Variants in RBPJ observed in about 807,000 individuals in gnomAD.
The protein encoded by RBPJ is recombining binding protein suppressor of hairless.
RBPJ carries 9 observed loss-of-function variants against 67.8 expected under a neutral mutation model. The ratio of observed to expected loss-of-function variants is 0.13; its 90% CI spans 0.08 to 0.23. RBPJ has a LOEUF of 0.23. Among genes scored for constraint, RBPJ ranks in the 10% least tolerant of loss-of-function variants. The pLI is 1.00. For missense variants in RBPJ, 305 were observed against 595.6 expected (o/e 0.51, Z 5.08); for synonymous variants, 198 against 203.3 (o/e 0.97, Z 0.22).
chr4:26,220,878 G>A (rs972105330), intron 1 of RBPJ, among the ~76,000 whole-genome samples: 14 of 152,236 alleles, frequency 9.2e-5, no homozygotes, highest in East Asian at 7.7e-4. Context: ...CACCGCAGTG[G>A]TGAGATCACT....
chr4:26,316,547 G>A (rs12171452), upstream of RBPJ, among the ~76,000 whole-genome samples: 7 of 123,238 alleles, frequency 5.7e-5, no homozygotes, highest in African/African-American at 2.1e-4. Context: ...ATATATTCAT[G>A]TATATATTCA....
At chr4:26,319,649 G>C (rs1271766032), upstream of RBPJ, 2 of 631,166 alleles carry the variant, frequency 3.2e-6, no homozygotes, top group African/African-American at 3.7e-5. Context: ...GCCGTGTTGT[G>C]TCTGAGCCGA....
At chr4:26,265,032 G>A (rs549292681) in intron 1 of RBPJ, among the ~76,000 whole-genome samples, 1 of 152,148 alleles carries the variant, frequency 6.6e-6, no homozygotes, top group South Asian at 2.1e-4. Context: ...AAAAATAGGG[G>A]TATAGGCAAT....
upstream of RBPJ, chr4:26,319,661 T>A (rs1311896667): frequency 3.1e-6 from 2 of 640,332 alleles, no homozygotes; most frequent in East Asian, 2.8e-5. Context: ...CTGAGCCGAG[T>A]AGTGGAAGGC....
intron 1 of RBPJ, among the ~76,000 whole-genome samples, chr4:26,282,709 C>T (rs549282807): frequency 6.6e-6 from 1 of 151,920 alleles, no homozygotes; most frequent in South Asian, 2.1e-4. Context: ...TCAATACAGA[C>T]GAGGTTTCTC....
intron 1 of RBPJ, among the ~76,000 whole-genome samples, chr4:26,219,067 A>T (rs191294597): frequency 1.3e-5 from 2 of 152,294 alleles, no homozygotes; most frequent in Admixed American, 6.5e-5. Context: ...AGCATTTTTC[A>T]AAAAGGGAAG....
At chr4:26,332,951 A>G (rs988803160) in intron 1 of RBPJ, among the ~76,000 whole-genome samples, 2 of 152,228 alleles carry the variant, frequency 1.3e-5, no homozygotes, top group African/African-American at 4.8e-5. Flanking sequence ...GCCTGGCCTC[A>G]AAAGTTACTT....
intron 1 of RBPJ, among the ~76,000 whole-genome samples, chr4:26,218,066 A>G (rs1258121381): frequency 3.3e-5 from 5 of 152,206 alleles, no homozygotes; most frequent in Admixed American, 3.3e-4. Flanking sequence ...AGCCCCGCAC[A>G]GGGAACAAGA....
chr4:26,109,442 CTCTCTCTCTCTCTCTCTCTATATA>C, the RBPJ span, among the ~76,000 whole-genome samples: 26 of 29,752 alleles, frequency 8.7e-4, no homozygotes, highest in Admixed American at 2.0e-3. Context: ...CTCTCTCTCT[CTCTCTCTCTCTCTCTCTCTATATA>C]TATATATATA....
At chr4:26,173,291 A>G (rs954612794) in intron 1 of RBPJ, among the ~76,000 whole-genome samples, 5 of 152,092 alleles carry the variant, frequency 3.3e-5, no homozygotes, top group African/African-American at 7.2e-5. Flanking sequence ...ATGTGCCACC[A>G]TGCCCGGCTA....
At chr4:26,109,355 C>T in the RBPJ span, among the ~76,000 whole-genome samples, 1 of 148,494 alleles carries the variant, frequency 6.7e-6, no homozygotes, top group African/African-American at 2.5e-5. Context: ...ATCCACCTGC[C>T]TCGGCTGCCC....
chr4:26,107,632 T>A, the RBPJ span, among the ~76,000 whole-genome samples: 1 of 152,234 alleles, frequency 6.6e-6, no homozygotes, highest in African/African-American at 2.4e-5. Flanking sequence ...GTGTGGGGGC[T>A]CACAACTGTA....
Position 26,424,352 on chromosome 4 carries a change from C to G in RBPJ, c.507C>G (p.Ala169=). The change falls in exon 6 of 11, where the codon GCC becomes GCG. Residue 169 remains alanine, a synonymous_variant. Transcript: ENST00000355476. The surrounding 1 kb of genome is among the most constrained non-coding windows in gnomAD (Gnocchi z 5.3). ...GTTTTTTCTTTGCAGTATGCATTGC[C>G]TCAGGAACAAAGGTGGCTCTGTTTA... ...QSLKNADLCI[A]SGTKVALFNR... 6.2e-7 allele frequency: 1 copy of G among 1,613,668 alleles called. No individual in the cohort carries two copies. Among genetic ancestry groups the G allele is most frequent in the Non-Finnish European group, 8.5e-7 (1 of 1,179,938 alleles).
chr4:26,421,304 C>A (rs1265574917), intron 5 of RBPJ, among the ~76,000 whole-genome samples: 1 of 151,296 alleles, frequency 6.6e-6, no homozygotes, highest in African/African-American at 2.4e-5. Context: ...ATTATGGAGA[C>A]TTTTCTTTTT....
chr4:26,334,433 C>G (rs1307765920), intron 1 of RBPJ, among the ~76,000 whole-genome samples: 1 of 151,494 alleles, frequency 6.6e-6, no homozygotes, highest in Admixed American at 6.6e-5. Flanking sequence ...CTGTATACAT[C>G]CTGTGTGGCC....
At chr4:26,146,930 T>C in the RBPJ span, among the ~76,000 whole-genome samples, 2 of 152,292 alleles carry the variant, frequency 1.3e-5, no homozygotes, top group East Asian at 3.9e-4. Flanking sequence ...CAACAGCATG[T>C]GCAAAGGCCC....
chr4:26,286,036 A>AGGCTGCAGTGCGCTATGATCGTGC (rs1187526576), intron 1 of RBPJ, among the ~76,000 whole-genome samples: 3 of 61,088 alleles, frequency 4.9e-5, no homozygotes, highest in African/African-American at 1.4e-4. Context: ...CAGGAATTCA[A>AGGCTGCAGTGCGCTATGATCGTGC]GGCTGCAGTG....
At chr4:26,109,541 C>G in the RBPJ span, among the ~76,000 whole-genome samples, 42 of 120,486 alleles carry the variant, frequency 3.5e-4, 2 homozygotes, top group Non-Finnish European at 5.2e-4. Context: ...TATATAGCCA[C>G]TGTGCCTGTC....
At chr4:26,274,011 C>A (rs369057761) in intron 1 of RBPJ, among the ~76,000 whole-genome samples, 32 of 152,322 alleles carry the variant, frequency 2.1e-4, no homozygotes, top group African/African-American at 6.7e-4. Context: ...TCAGATGTCA[C>A]CTTGTCAGAG....
Sources: gnomAD v4.1 joint callset for allele counts (sites outside exome capture counted in the v4.1 genomes callset) on GRCh38, gnomAD v4.1.1 for gene constraint, Gnocchi (gnomAD v3.1) non-coding constraint, MANE v1.5 for transcripts, NCBI Gene and HGNC (gene_info 2026-07-23, HGNC 2026-07-21) for gene names.